PAK3: variants seen among roughly 807,000 people sequenced by gnomAD.
The protein encoded by PAK3 is p21 (RAC1) activated kinase 3.
Under a neutral mutation model 41.0 loss-of-function variants are expected in PAK3, and 4 were observed. That is an observed-to-expected ratio of 0.10 (90% CI 0.05 to 0.22). PAK3 has a LOEUF of 0.22. Among genes scored for constraint, PAK3 ranks in the 10% least tolerant of loss-of-function variants. PAK3 has a pLI of 1.00. For synonymous variants in PAK3, 146 were observed against 139.6 expected, an observed-to-expected ratio of 1.05 and a Z score of -0.32; for missense variants, 205 against 409.9, an observed-to-expected ratio of 0.50 and a Z score of 4.32.
intron 6 of PAK3, among the ~76,000 whole-genome samples, chrX:111,144,043 T>C (rs967843300): frequency 1.8e-5 from 2 of 111,866 alleles, no homozygotes; most frequent in Non-Finnish European, 3.8e-5. Context: ...TCATTTATCA[T>C]TCTGGATTCT....
At chrX:111,215,108 T>C (rs931372450) in intron 16 of PAK3, among the ~76,000 whole-genome samples, 9 of 111,957 alleles carry the variant, frequency 8.0e-5, no homozygotes, top group African/African-American at 2.9e-4. Flanking sequence ...GCTCTCTATA[T>C]ATGTCTGTCT....
At chrX:111,051,975 C>A (rs1217168277) in intron 1 of PAK3, among the ~76,000 whole-genome samples, 1 of 112,047 alleles carries the variant, frequency 8.9e-6, no homozygotes, top group African/African-American at 3.2e-5. Context: ...TCTCCAAGGT[C>A]ATTGTAAAGT....
chrX:111,065,935 T>G (rs927647836), intron 1 of PAK3, among the ~76,000 whole-genome samples: 11 of 111,744 alleles, frequency 9.8e-5, no homozygotes, highest in Admixed American at 3.8e-4. Context: ...TCATACTCAT[T>G]TAAGTCTTTT....
At chrX:111,180,202 G>A (rs933220151) in intron 11 of PAK3, among the ~76,000 whole-genome samples, 4 of 111,656 alleles carry the variant, frequency 3.6e-5, no homozygotes, top group African/African-American at 9.8e-5. Flanking sequence ...ATTTTACATT[G>A]TCAATATGTT....
intron 1 of PAK3, among the ~76,000 whole-genome samples, chrX:111,059,086 T>C (rs1166448947): frequency 9.3e-6 from 1 of 107,117 alleles, no homozygotes; most frequent in East Asian, 2.9e-4. Flanking sequence ...CACGAGGCCC[T>C]GGTATTTCCA....
intron 11 of PAK3, among the ~76,000 whole-genome samples, chrX:111,177,807 A>G (rs901426420): frequency 4.5e-5 from 5 of 112,117 alleles, no homozygotes; most frequent in Non-Finnish European, 9.4e-5. Flanking sequence ...CAATGTTGGC[A>G]GCTGTCCTCA....
intron 11 of PAK3, among the ~76,000 whole-genome samples, chrX:111,189,377 A>G (rs1367846655): frequency 3.6e-5 from 4 of 111,896 alleles, no homozygotes; most frequent in South Asian, 3.8e-4. Context: ...TAGTGCTGCA[A>G]TGAACATACA....
At chrX:111,131,992 TA>T (rs769518743) in intron 5 of PAK3, among the ~76,000 whole-genome samples, 1 of 110,800 alleles carries the variant, frequency 9.0e-6, no homozygotes, top group Non-Finnish European at 1.9e-5. Context: ...TTTTTTTTAA[TA>T]AAAAAAGGAA....
At chrX:111,173,217 G>T in intron 11 of PAK3, 136 bp downstream of exon 11, 1 of 460,036 alleles carries the variant, frequency 2.2e-6, no homozygotes, top group Non-Finnish European at 3.9e-6. Flanking sequence ...TGCATTCTCA[G>T]TATTGGCCTT....
At chrX:111,015,914 C>T (rs1034241268) in intron 1 of PAK3, among the ~76,000 whole-genome samples, 3 of 112,245 alleles carry the variant, frequency 2.7e-5, no homozygotes, top group Non-Finnish European at 5.6e-5. Context: ...CAATGGGTTG[C>T]TCTTTCACTC....
Position 110,980,235 on chromosome X carries a change from A to C in PAK3, c.-28+35607A>C, listed in dbSNP as rs911095582. ...ATAATCTGTTTTGCCATGTAATGTAACATAATCATTGGAGTAATTTCTCAT... is the reference window on the plus strand; with the variant it reads ...ATAATCTGTTTTGCCATGTAATGTACCATAATCATTGGAGTAATTTCTCAT... On this transcript the variant is annotated intron_variant, in intron 1 of 14. Transcript: ENST00000425146. Among the ~76,000 whole-genome samples the C allele has an allele frequency of 2.7e-5, 3 of 112,323 alleles. No homozygotes were observed. In the Admixed American group the frequency reaches 2.8e-4, roughly 11 times the overall value.
intron 1 of PAK3, among the ~76,000 whole-genome samples, chrX:110,978,704 C>CTCTTTCTT (rs377626068): frequency 1.9e-5 from 2 of 104,046 alleles, no homozygotes; most frequent in African/African-American, 3.6e-5. Flanking sequence ...TTCTCTCTGT[C>CTCTTTCTT]TCTTTCTTTC....
chrX:111,092,383 A>AAC (rs1261625931), upstream of PAK3, among the ~76,000 whole-genome samples: 4 of 111,695 alleles, frequency 3.6e-5, no homozygotes, highest in Non-Finnish European at 7.5e-5. Flanking sequence ...TAGCAGTTAA[A>AAC]ACACACACAT....
chrX:111,152,145 T>C (rs2094037784), intron 7 of PAK3, among the ~76,000 whole-genome samples: 1 of 112,250 alleles, frequency 8.9e-6, no homozygotes, highest in African/African-American at 3.2e-5. Context: ...TAGGTAATCT[T>C]GTCATTCTTC....
intron 1 of PAK3, among the ~76,000 whole-genome samples, chrX:111,061,209 A>T (rs2092652846): frequency 8.9e-6 from 1 of 112,274 alleles, no homozygotes; most frequent in Admixed American, 9.5e-5. Context: ...TGTATTTTTT[A>T]ACTTATTTAA....
Position 111,173,329 on chromosome X carries a change from T to C in PAK3, c.830+248T>C, listed in dbSNP as rs6567947. ...GACAGTAAATTCTGTGTGGACATTT[T>C]GATCCTATGTAGTTAGAAGATTCAA... is the stretch of plus-strand genomic sequence containing the variant. On this transcript the variant is annotated intron_variant, in intron 11 of 17. Coordinates refer to ENST00000372007, the MANE Select transcript of PAK3 (RefSeq NM_002578.5). Among the ~76,000 whole-genome samples the C allele has an allele frequency of 0.22, 23,905 of 110,795 alleles. 5,709 individuals carry two copies. The highest frequency in any genetic ancestry group is 0.71 in the African/African-American group (21,216 of 30,049).
rs769489361 is a variant in PAK3 at position 111,226,713 on chromosome X, T to C, written c.*6266T>C. 5.4e-5 allele frequency: 6 copies of C among 112,138 alleles called. No individual in the cohort carries two copies. The highest frequency in any genetic ancestry group is 9.4e-5 in the Non-Finnish European group (5 of 53,262). The allele number at this position is 112,138 out of a possible 1,213,427, so 9.2% of individuals were successfully genotyped here. A position where few individuals can be genotyped will look rare whatever the true frequency, so the allele number is the denominator to read the frequency against. ...GCTGGAAAGAGGGTAAACTGGGAGT[T>C]AGTGGATGGTCCCAATGCCCTGCCT... On this transcript the variant is annotated 3_prime_UTR_variant, in exon 18 of 18. Coordinates refer to ENST00000372007, the MANE Select transcript of PAK3 (RefSeq NM_002578.5).
chrX:111,085,167 T>A (rs2092871267), intron 1 of PAK3, among the ~76,000 whole-genome samples: 1 of 111,809 alleles, frequency 8.9e-6, no homozygotes, highest in Non-Finnish European at 1.9e-5. Context: ...ACACGACAGT[T>A]TTTTTTTAAA....
intron 1 of PAK3, among the ~76,000 whole-genome samples, chrX:111,050,920 C>A (rs144553056): frequency 0.026 from 2,905 of 111,855 alleles, 83 homozygotes; most frequent in African/African-American, 0.087. Context: ...ACAAAGCAAA[C>A]CTGTTGGTGG....
Sources: allele counts gnomAD v4.1 joint callset (sites outside exome capture counted in the v4.1 genomes callset), GRCh38; gene constraint gnomAD v4.1.1; transcripts MANE v1.5; gene names NCBI Gene and HGNC (gene_info 2026-07-23, HGNC 2026-07-21).